DNM2: variants seen among roughly 807,000 people sequenced by gnomAD.
The protein encoded by DNM2 is dynamin 2.
In DNM2, 15 loss-of-function variants were observed where a neutral mutation model predicts 99.0. The observed-to-expected ratio is 0.15, with a 90% CI of 0.10 to 0.23. The LOEUF (loss-of-function observed/expected upper bound fraction) is 0.23, where lower values mean the gene tolerates loss of function less well. Ranked by LOEUF, DNM2 falls within the 10% of genes least tolerant of loss-of-function variation. The pLI is 1.00. For synonymous variants in DNM2, 525 were observed against 481.2 expected, an observed-to-expected ratio of 1.09 and a Z score of -1.19; for missense variants, 742 against 1,189.4, an observed-to-expected ratio of 0.62 and a Z score of 5.53.
rs188152104 is a variant in DNM2, at chr19:10,774,380, A to G, written c.386-1323A>G. On this transcript the variant is annotated intron_variant, in intron 3 of 20. Transcript: ENST00000389253. ...GATTGTATCTATGTATATGTTGTGT[A>G]TGTGTTTATCACTCCTTTTCCTTAA... is the stretch of plus-strand genomic sequence containing the variant. Among the ~76,000 whole-genome samples the G allele has an allele frequency of 7.2e-5, 11 of 152,346 alleles. No homozygotes were observed. The East Asian group carries it at 1.2e-3, about 16-fold the overall frequency.
chr19:10,786,495 G>A, intron 6 of DNM2, 69 bp from the exon 7 acceptor site: 1 of 1,609,486 alleles, frequency 6.2e-7, no homozygotes, highest in African/African-American at 1.3e-5. Flanking sequence ...TGGTTGGGGG[G>A]AGTGTGTCTG....
rs2073322981 is a variant in DNM2 at position 10,830,854 on chromosome 19, G to A, written c.2544-124G>A. ...GCCCGACACCCTGGTGGCTTGCGGA[G>A]GTCAGCCTGGGAACACCCTGGGGTG... is the stretch of plus-strand genomic sequence containing the variant. On this transcript the variant is annotated intron_variant, in intron 20 of 20. Transcript: ENST00000389253. The surrounding 1 kb of genome is among the most constrained non-coding windows in gnomAD (Gnocchi z 4.8). 8.1e-7 allele frequency: 1 copy of A among 1,229,356 alleles called. No homozygotes were observed. Among genetic ancestry groups the A allele is most frequent in the Middle Eastern group, 2.2e-4 (1 of 4,492 alleles). The allele number at this position is 1,229,356 out of a possible 1,614,324, so 76.2% of individuals were successfully genotyped here.
At chr19:10,723,291 G>A (rs1443333550) in intron 1 of DNM2, among the ~76,000 whole-genome samples, 2 of 152,066 alleles carry the variant, frequency 1.3e-5, no homozygotes, top group Non-Finnish European at 2.9e-5. Flanking sequence ...GCACCACCAC[G>A]CCTGGCTAAT....
At chr19:10,814,816 G>A (rs980491405) in intron 15 of DNM2, among the ~76,000 whole-genome samples, 7 of 152,050 alleles carry the variant, frequency 4.6e-5, no homozygotes, top group African/African-American at 1.7e-4. Flanking sequence ...TCTTTTCTAT[G>A]GCCCTGATCA....
Position 10,830,509 on chromosome 19 carries a change from T to C in DNM2, c.2543+131T>C. The C allele has an allele frequency of 8.7e-7, 1 of 1,144,246 alleles. No homozygotes were observed. Among genetic ancestry groups the C allele is most frequent in the Non-Finnish European group, 1.2e-6 (1 of 815,376 alleles). 70.9% of individuals were successfully genotyped at this position (1,144,246 alleles called of 1,614,324 possible). On this transcript the variant is annotated intron_variant, in intron 20 of 20. Transcript: ENST00000389253. This position sits in a 1 kb window ranked among gnomAD's most constrained non-coding sequence, Gnocchi z 4.8. ...GTGGAGGAATCGTCCTCATCCCTAT[T>C]TGGCTTGCGAGGAAACAGGCCCAGA...
chr19:10,790,907 T>C (rs2071733749), intron 7 of DNM2, among the ~76,000 whole-genome samples: 1 of 151,842 alleles, frequency 6.6e-6, no homozygotes, highest in African/African-American at 2.4e-5. Flanking sequence ...CTGGGAATAA[T>C]ACAGGTATGC....
intron 18 of DNM2, among the ~76,000 whole-genome samples, chr19:10,827,400 T>TAAAA (rs2073175748): frequency 6.6e-6 from 1 of 151,974 alleles, no homozygotes; most frequent in African/African-American, 2.4e-5. Context: ...TTTAATAGAC[T>TAAAA]CTTATAAAAT....
chr19:10,734,544 C>T (rs1021697327), intron 1 of DNM2, among the ~76,000 whole-genome samples: 3 of 142,702 alleles, frequency 2.1e-5, no homozygotes, highest in African/African-American at 7.9e-5. Flanking sequence ...GAGGCTGAGA[C>T]AGGAGGATCA....
intron 15 of DNM2, among the ~76,000 whole-genome samples, chr19:10,815,135 C>T (rs967897431): frequency 2.0e-5 from 3 of 152,192 alleles, no homozygotes; most frequent in African/African-American, 2.4e-5. Context: ...TGACCCTGTG[C>T]TGCAAGGCTG....
chr19:10,722,923 A>G (rs1476302658), intron 1 of DNM2, among the ~76,000 whole-genome samples: 1 of 151,236 alleles, frequency 6.6e-6, no homozygotes, highest in African/African-American at 2.4e-5. Context: ...CACTGCGCCC[A>G]GCCTCCTCTT....
chr19:10,723,403 G>T (rs1252860638), intron 1 of DNM2, among the ~76,000 whole-genome samples: 1 of 152,140 alleles, frequency 6.6e-6, no homozygotes, highest in African/African-American at 2.4e-5. Flanking sequence ...AAAGTGCTGG[G>T]ATTACAGGCG....
chr19:10,823,918 C>A lies in DNM2; in HGVS notation c.1893+19C>A, dbSNP rs1327397775. On this transcript the variant is annotated intron_variant, in intron 17 of 20. Transcript: ENST00000389253. The stretch of plus-strand genomic sequence containing the variant: ...GGACCAGGTGAGGAGCCGTCCTGCG[C>A]AGCCAGGCCCAGAGCCCCCACCTGG... The A allele has an allele frequency of 2.5e-6, 4 of 1,609,872 alleles. No individual in the cohort carries two copies. Among genetic ancestry groups the A allele is most frequent in the Non-Finnish European group, 3.4e-6 (4 of 1,178,510 alleles).
At chr19:10,780,834 G>A (rs909425675) in intron 5 of DNM2, among the ~76,000 whole-genome samples, 4 of 151,890 alleles carry the variant, frequency 2.6e-5, no homozygotes, top group African/African-American at 7.3e-5. Flanking sequence ...AGACCAAGGC[G>A]GGTGGATCAA....
chr19:10,800,325 G>GCC (rs55933154), intron 11 of DNM2, among the ~76,000 whole-genome samples: 18,220 of 152,130 alleles, frequency 0.12, 1,428 homozygotes, highest in East Asian at 0.36. Context: ...GCAGGGAGGC[G>GCC]CCCAGTTTTG....
chr19:10,733,728 C>T (rs949625330), intron 1 of DNM2, among the ~76,000 whole-genome samples: 8 of 151,814 alleles, frequency 5.3e-5, no homozygotes, highest in African/African-American at 7.2e-5. Flanking sequence ...TGAATGAGGC[C>T]GGACATGGTG....
chr19:10,770,706 A>C (rs1435692380), intron 2 of DNM2, among the ~76,000 whole-genome samples: 1 of 152,190 alleles, frequency 6.6e-6, no homozygotes, highest in Non-Finnish European at 1.5e-5. Flanking sequence ...GCAGCTGGCA[A>C]AGAGAGTGAG....
At chr19:10,761,891 G>T (rs1189281284) in intron 2 of DNM2, among the ~76,000 whole-genome samples, 2 of 152,308 alleles carry the variant, frequency 1.3e-5, no homozygotes, top group Non-Finnish European at 2.9e-5. Context: ...CCACCGATGG[G>T]CCAATGGGCT....
At chr19:10,802,759 C>T (rs774693710) in intron 12 of DNM2, among the ~76,000 whole-genome samples, 2 of 152,210 alleles carry the variant, frequency 1.3e-5, no homozygotes, top group Non-Finnish European at 2.9e-5. Context: ...CCGGAAGCTG[C>T]TCTTTGGGAA....
At chr19:10,829,833 G>T (rs936941767) in intron 19 of DNM2, among the ~76,000 whole-genome samples, 19 of 152,284 alleles carry the variant, frequency 1.2e-4, no homozygotes, top group African/African-American at 4.1e-4. Context: ...GGGCTTGCAG[G>T]TTCCACGGCC....
Sources: gnomAD v4.1 joint callset for allele counts (sites outside exome capture counted in the v4.1 genomes callset) on GRCh38, gnomAD v4.1.1 for gene constraint, Gnocchi (gnomAD v3.1) non-coding constraint, MANE v1.5 for transcripts, NCBI Gene and HGNC (gene_info 2026-07-23, HGNC 2026-07-21) for gene names.